Variants in GPR158 observed in about 807,000 individuals in gnomAD.
The protein encoded by GPR158 is G protein-coupled receptor 158.
A neutral mutation model predicts 78.2 loss-of-function variants in GPR158; 30 were observed. The observed-to-expected ratio is 0.38, with a 90% CI of 0.29 to 0.52. The LOEUF is 0.52. Among genes scored for constraint, GPR158 ranks in the 20% least tolerant of loss-of-function variants. The probability of loss-of-function intolerance (pLI) is 0.83; values close to 1 mark genes in which losing one functional copy is unlikely to be tolerated. For missense variants in GPR158, 1,463 were observed against 1,523.5 expected (o/e 0.96, Z 0.66); for synonymous variants, 581 against 591.1 (o/e 0.98, Z 0.25).
chr10:25,262,745 T>C (rs922806294), intron 2 of GPR158, among the ~76,000 whole-genome samples: 2 of 152,306 alleles, frequency 1.3e-5, no homozygotes, highest in Non-Finnish European at 2.9e-5. Flanking sequence ...AGTTCATAGC[T>C]TACATATAGG....
At chr10:25,425,777 T>A (rs1834812304) in intron 4 of GPR158, among the ~76,000 whole-genome samples, 1 of 152,126 alleles carries the variant, frequency 6.6e-6, no homozygotes, top group Non-Finnish European at 1.5e-5. Flanking sequence ...GGCTTCTCTC[T>A]TAGGACCTCC....
chr10:25,493,809 T>G (rs1726464139), intron 5 of GPR158, among the ~76,000 whole-genome samples: 1 of 152,234 alleles, frequency 6.6e-6, no homozygotes, highest in Non-Finnish European at 1.5e-5. Context: ...GACAGCTTAG[T>G]CAGATCCAGA....
At chr10:25,526,669 T>G (rs1836350810) in intron 5 of GPR158, among the ~76,000 whole-genome samples, 1 of 152,246 alleles carries the variant, frequency 6.6e-6, no homozygotes, top group Admixed American at 6.5e-5. Flanking sequence ...AGGCTTCCTC[T>G]GTAAAGCTGG....
At chr10:25,538,214 C>CGTTGTT (rs34703501) in intron 5 of GPR158, among the ~76,000 whole-genome samples, 534 of 151,346 alleles carry the variant, frequency 3.5e-3, no homozygotes, top group Non-Finnish European at 5.9e-3. Flanking sequence ...TCAGATTTGC[C>CGTTGTT]GTTGTTGTTG....
chr10:25,240,184 G>A (rs36046294), intron 2 of GPR158, among the ~76,000 whole-genome samples: 21 of 152,258 alleles, frequency 1.4e-4, no homozygotes, highest in South Asian at 2.1e-4. Context: ...GGCACCATAC[G>A]TATCAAATAA....
intron 1 of GPR158, among the ~76,000 whole-genome samples, chr10:25,192,211 C>G (rs1315952895): frequency 1.3e-5 from 2 of 152,032 alleles, no homozygotes; most frequent in Non-Finnish European, 2.9e-5. Flanking sequence ...TGTAGTAGTC[C>G]CTCCTGGGTT....
At chr10:25,448,654 G>A (rs1835173076) in intron 4 of GPR158, among the ~76,000 whole-genome samples, 1 of 152,148 alleles carries the variant, frequency 6.6e-6, no homozygotes, top group Non-Finnish European at 1.5e-5. Context: ...CTGGCCACAG[G>A]GCAGATGTGT....
intron 6 of GPR158, among the ~76,000 whole-genome samples, chr10:25,566,222 G>A (rs1836927386): frequency 6.6e-6 from 1 of 152,132 alleles, no homozygotes; most frequent in South Asian, 2.1e-4. Flanking sequence ...TTTGGGGGAA[G>A]GTAAGGGAGA....
chr10:25,546,625 C>A (rs1490637143), intron 5 of GPR158, among the ~76,000 whole-genome samples: 1 of 152,060 alleles, frequency 6.6e-6, no homozygotes, highest in Non-Finnish European at 1.5e-5. Flanking sequence ...TCCTTTCATC[C>A]AAGAAATATT....
chr10:25,236,530 AT>A (rs1853529734), intron 2 of GPR158, among the ~76,000 whole-genome samples: 1 of 152,222 alleles, frequency 6.6e-6, no homozygotes, highest in Admixed American at 6.5e-5. Flanking sequence ...AAATAAAAAA[AT>A]AAATTTCTTC....
At chr10:25,441,585 G>A (rs1835068681) in intron 4 of GPR158, among the ~76,000 whole-genome samples, 1 of 152,166 alleles carries the variant, frequency 6.6e-6, no homozygotes, top group Admixed American at 6.5e-5. Flanking sequence ...AAATTAGGCT[G>A]AGCAGACTCC....
chr10:25,572,185 T>A (rs1837017900), intron 6 of GPR158, among the ~76,000 whole-genome samples: 3 of 152,212 alleles, frequency 2.0e-5, no homozygotes, highest in Admixed American at 2.0e-4. Flanking sequence ...CCTTGAAATA[T>A]TAAGACACGC....
chr10:25,483,453 G>C (rs1458178557), intron 5 of GPR158, among the ~76,000 whole-genome samples: 1 of 151,964 alleles, frequency 6.6e-6, no homozygotes, highest in Non-Finnish European at 1.5e-5. Flanking sequence ...ATTGCAGCCT[G>C]CCCCACTCCT....
intron 2 of GPR158, among the ~76,000 whole-genome samples, chr10:25,363,125 T>C (rs536515548): frequency 2.0e-5 from 3 of 152,086 alleles, no homozygotes; most frequent in African/African-American, 7.2e-5. Flanking sequence ...TAGATTACTT[T>C]ATTATAATTA....
At chr10:25,454,479 T>C (rs138497634) in intron 4 of GPR158, among the ~76,000 whole-genome samples, 15 of 152,296 alleles carry the variant, frequency 9.8e-5, no homozygotes, top group African/African-American at 3.6e-4. Context: ...CTTTGAAATA[T>C]GTGCCTTACT....
At chr10:25,528,955 A>G (rs1665904067) in intron 5 of GPR158, among the ~76,000 whole-genome samples, 1 of 152,220 alleles carries the variant, frequency 6.6e-6, no homozygotes, top group African/African-American at 2.4e-5. Flanking sequence ...CCAGAAATAT[A>G]TCTACACATA....
At chr10:25,238,791 C>T (rs1218795070) in intron 2 of GPR158, among the ~76,000 whole-genome samples, 1 of 152,152 alleles carries the variant, frequency 6.6e-6, no homozygotes, top group Non-Finnish European at 1.5e-5. Context: ...AATATACCTG[C>T]AGAACATGAT....
At chr10:25,515,476 GTCA>G (rs1836153344) in intron 5 of GPR158, among the ~76,000 whole-genome samples, 2 of 142,384 alleles carry the variant, frequency 1.4e-5, no homozygotes, top group Admixed American at 1.4e-4. Context: ...CCACTAACTC[GTCA>G]TCTAGCATTA....
intron 2 of GPR158, among the ~76,000 whole-genome samples, chr10:25,324,924 G>C (rs1219143350): frequency 7.0e-6 from 1 of 142,670 alleles, no homozygotes; most frequent in African/African-American, 2.6e-5. Context: ...CTCCAGCCTT[G>C]TACTCCTGGG....
Sources: allele counts gnomAD v4.1 joint callset (sites outside exome capture counted in the v4.1 genomes callset), GRCh38; gene constraint gnomAD v4.1.1; transcripts MANE v1.5; gene names NCBI Gene and HGNC (gene_info 2026-07-23, HGNC 2026-07-21).